Variants in MYH15 observed in about 807,000 individuals in gnomAD.
MYH15 encodes the protein myosin-15.
Under a neutral mutation model 240.5 loss-of-function variants are expected in MYH15, and 227 were observed. The ratio of observed to expected loss-of-function variants is 0.94; its 90% CI spans 0.85 to 1.05. The LOEUF is 1.05. MYH15 is among the 50% of genes least tolerant of loss of function. MYH15 has a pLI of 0.00. For synonymous variants in MYH15, 785 were observed against 796.7 expected, an observed-to-expected ratio of 0.99 and a Z score of 0.25; for missense variants, 2,217 against 2,247.5, an observed-to-expected ratio of 0.99 and a Z score of 0.27.
At chr3:108,495,451 AAT>A (rs1406105499) in intron 7 of MYH15, among the ~76,000 whole-genome samples, 3 of 152,234 alleles carry the variant, frequency 2.0e-5, no homozygotes, top group Non-Finnish European at 4.4e-5. Flanking sequence ...AAATAATTCA[AAT>A]ATGTAAAACA....
Position 108,485,100 on chromosome 3 carries a change from C to A in MYH15, c.1105G>T (p.Gly369Cys), listed in dbSNP as rs764247983. 4.3e-6 allele frequency: 7 copies of A among 1,613,780 alleles called. No individual in the cohort carries two copies. In the East Asian group the frequency reaches 1.6e-4, roughly 36 times the overall value. ...KPREEQLEAD[G>C]TENADKAAFL... is the part of the protein sequence containing the mutation. ...TCAAAGTAATTCTTACTTTCTGTGC[C>A]ATCTGCTTCCAGTTGCTCTTCTCTA... Residue 369 changes from glycine (G) to cysteine (C), a missense_variant, in exon 11 of 41, where the codon GGC becomes TGC. Physicochemically the swap from Gly to Cys is radical, Grantham distance 159 (BLOSUM62 -3). Coordinates refer to ENST00000693548, the MANE Select transcript of MYH15 (RefSeq NM_014981.3).
At position 108,430,871 on chromosome 3, in the gene MYH15, G is replaced by A. The variant is rs1472993063; in HGVS notation, c.3273C>T (p.Gly1091=). The change falls in exon 26 of 41, where the codon GGC becomes GGT. Residue 1091 remains glycine (G), a synonymous_variant. Coordinates refer to ENST00000693548, the MANE Select transcript of MYH15 (RefSeq NM_014981.3). The part of the protein sequence containing the change: ...QMNSKVENEK[G]LVAQLQKTVK... Reference sequence around the variant, plus strand: ...CCGTCTTCTGAAGCTGAGCTACCAGGCCTTTCTCATTCTCCACTTTTGAAT... The same window carrying A: ...CCGTCTTCTGAAGCTGAGCTACCAGACCTTTCTCATTCTCCACTTTTGAAT... 1.9e-6 allele frequency: 3 copies of A among 1,612,248 alleles called. No homozygotes were observed. The highest frequency in any genetic ancestry group is 1.3e-5 in the African/African-American group (1 of 74,874).
At chr3:108,497,984 G>T (rs776298801) in intron 6 of MYH15, 68 bp downstream of exon 6, 66 of 1,408,348 alleles carry the variant, frequency 4.7e-5, no homozygotes, top group Non-Finnish European at 6.3e-5. Flanking sequence ...AAGTGGTCCG[G>T]ACACAACCTC....
intron 9 of MYH15, 45 bp from the exon 10 acceptor site, chr3:108,486,571 A>G: frequency 7.6e-7 from 1 of 1,315,256 alleles, no homozygotes; most frequent in Non-Finnish European, 1.1e-6. Flanking sequence ...AGAAATCTGC[A>G]AGGCCTTAGA....
At chr3:108,398,433 C>G (rs745993444) in intron 35 of MYH15, among the ~76,000 whole-genome samples, 4 of 152,220 alleles carry the variant, frequency 2.6e-5, no homozygotes, top group Non-Finnish European at 5.9e-5. Context: ...TTGCTTTACG[C>G]CACCCTGTTT....
the MYH15 span, among the ~76,000 whole-genome samples, chr3:108,543,169 G>A: frequency 1.1e-4 from 16 of 152,068 alleles, no homozygotes; most frequent in South Asian, 2.1e-4. Context: ...GTGAGCCACC[G>A]CACCAGGTCA....
chr3:108,542,584 T>C, the MYH15 span, among the ~76,000 whole-genome samples: 3 of 152,118 alleles, frequency 2.0e-5, no homozygotes, highest in Non-Finnish European at 4.4e-5. Context: ...AAGTTCCGGA[T>C]ACATGTGCAG....
At chr3:108,539,827 A>G in the MYH15 span, among the ~76,000 whole-genome samples, 3 of 152,178 alleles carry the variant, frequency 2.0e-5, no homozygotes, top group African/African-American at 7.2e-5. Context: ...CTACCCCCAG[A>G]AAGCCCATTC....
chr3:108,517,287 G>T (rs1441974250), intron 1 of MYH15, among the ~76,000 whole-genome samples: 1 of 152,130 alleles, frequency 6.6e-6, no homozygotes, highest in Admixed American at 6.5e-5. Flanking sequence ...TCAAAATGCT[G>T]GATCTCTGCA....
chr3:108,523,566 CAT>C (rs1481868535), intron 1 of MYH15, among the ~76,000 whole-genome samples: 3 of 151,790 alleles, frequency 2.0e-5, no homozygotes, highest in Middle Eastern at 3.2e-3. Flanking sequence ...AGAAGTTAAA[CAT>C]GTGATAAAGC....
At chr3:108,458,043 G>A (rs1365388270) in intron 18 of MYH15, among the ~76,000 whole-genome samples, 1 of 144,356 alleles carries the variant, frequency 6.9e-6, no homozygotes, top group African/African-American at 2.5e-5. Flanking sequence ...GCAAGACTCT[G>A]TCTCAAATTA....
At chr3:108,446,701 C>T (rs1455824447) in intron 21 of MYH15, among the ~76,000 whole-genome samples, 4 of 152,196 alleles carry the variant, frequency 2.6e-5, no homozygotes, top group South Asian at 2.1e-4. Context: ...TTAGCAACAA[C>T]GTCCTAAAAT....
chr3:108,476,364 T>C (rs755099944), intron 12 of MYH15, 33 bp downstream of exon 12: 12 of 1,272,306 alleles, frequency 9.4e-6, no homozygotes, highest in African/African-American at 1.5e-5. Context: ...TGGAAGATCA[T>C]AGAATAATAA....
intron 16 of MYH15, among the ~76,000 whole-genome samples, 157 bp downstream of exon 16, chr3:108,462,954 C>T (rs2083083551): frequency 4.6e-5 from 7 of 151,992 alleles, no homozygotes; most frequent in Admixed American, 4.6e-4. Flanking sequence ...CCTGAAGAAC[C>T]CCCAGCCTGA....
Position 108,428,708 on chromosome 3 carries a change from T to C in MYH15, c.3486A>G (p.Lys1162=). 6.2e-7 allele frequency: 1 copy of C among 1,613,944 alleles called. No homozygotes were observed. Among genetic ancestry groups the C allele is most frequent in the East Asian group, 2.2e-5 (1 of 44,864 alleles). The change falls in exon 27 of 41, where the codon AAA becomes AAG. Residue 1162 remains lysine (K), a synonymous_variant. Coordinates refer to ENST00000693548, the MANE Select transcript of MYH15 (RefSeq NM_014981.3). ...QLEITKKQET[K]FQKLHRDMEE... ...CCATGTCTCGGTGCAGCTTCTGGAA[T>C]TTGGTTTCCTGTTTCTTAGTTATTT...
chr3:108,443,898 A>T (rs2082905474), intron 22 of MYH15, among the ~76,000 whole-genome samples: 1 of 145,078 alleles, frequency 6.9e-6, no homozygotes, highest in South Asian at 2.2e-4. Context: ...AATAAATTTG[A>T]TACAAAGCCA....
Position 108,389,039 on chromosome 3 carries a change from G to T in MYH15, c.5466C>A (p.Ile1822=). 6.2e-7 allele frequency: 1 copy of T among 1,613,904 alleles called. No individual in the cohort carries two copies. The highest frequency in any genetic ancestry group is 1.3e-5 in the African/African-American group (1 of 75,000). ...CCCTCTGGGCCTCTGCACTGCGACG[G>T]ATTTCACCCTCCAGTTCACCTTCCA... ...RELEGELEGE[I]RRSAEAQRGA... The change falls in exon 38 of 41, where the codon ATC becomes ATA. Residue 1822 remains isoleucine, a synonymous_variant. Coordinates refer to ENST00000693548, the MANE Select transcript of MYH15 (RefSeq NM_014981.3).
At chr3:108,516,036 T>C (rs930332377) in intron 1 of MYH15, among the ~76,000 whole-genome samples, 2 of 152,146 alleles carry the variant, frequency 1.3e-5, no homozygotes, top group Non-Finnish European at 2.9e-5. Context: ...AATATGGGGA[T>C]GAGGGGGTGC....
chr3:108,416,803 A>T lies in MYH15; in HGVS notation c.3948+9T>A. On this transcript the variant is annotated intron_variant, in intron 29 of 40. Coordinates refer to ENST00000693548, the MANE Select transcript of MYH15 (RefSeq NM_014981.3). ...TCAAGAAACTAGTGAGAAATAATAG[A>T]TACATTACTTTGGTCTCCTTTTCCA... 6.3e-7 allele frequency: 1 copy of T among 1,591,472 alleles called. No homozygotes were observed. The highest frequency in any genetic ancestry group is 1.7e-4 in the Middle Eastern group (1 of 6,000).
Sources: gnomAD v4.1 joint callset for allele counts (sites outside exome capture counted in the v4.1 genomes callset) on GRCh38, gnomAD v4.1.1 for gene constraint, MANE v1.5 for transcripts, NCBI Gene and HGNC (gene_info 2026-07-23, HGNC 2026-07-21) for gene names.